The following XPR1 variants were observed in gnomAD, a reference collection of about 807,000 sequenced individuals.
XPR1 encodes the protein xenotropic and polytropic retrovirus receptor 1.
Under a neutral mutation model 87.5 loss-of-function variants are expected in XPR1, and 28 were observed. That is an observed-to-expected ratio of 0.32 (90% CI 0.24 to 0.44). The LOEUF is 0.44. Among genes scored for constraint, XPR1 ranks in the 20% least tolerant of loss-of-function variants. The pLI is 1.00. For synonymous variants in XPR1, 300 were observed against 306.1 expected (o/e 0.98, Z 0.21); for missense variants, 559 against 862.3 (o/e 0.65, Z 4.41).
At chr1:180,820,860 TA>T (rs1378342589) in intron 7 of XPR1, among the ~76,000 whole-genome samples, 1 of 152,192 alleles carries the variant, frequency 6.6e-6, no homozygotes, top group East Asian at 1.9e-4. Context: ...GCCATTTATA[TA>T]TATATTTTGG....
intron 2 of XPR1, among the ~76,000 whole-genome samples, chr1:180,742,888 C>T (rs1379675735): frequency 1.3e-5 from 2 of 151,950 alleles, no homozygotes; most frequent in African/African-American, 4.8e-5. Flanking sequence ...GATGTGATAT[C>T]TCTATCCTTG....
chr1:180,638,674 C>A (rs921614113), intron 1 of XPR1, among the ~76,000 whole-genome samples: 1 of 151,956 alleles, frequency 6.6e-6, no homozygotes, highest in African/African-American at 2.4e-5. Flanking sequence ...ACACACACAC[C>A]CCAAATTTGT....
chr1:180,709,882 T>C (rs951059882), intron 2 of XPR1, among the ~76,000 whole-genome samples: 6 of 139,830 alleles, frequency 4.3e-5, no homozygotes, highest in Non-Finnish European at 7.7e-5. Flanking sequence ...TTCTTGAGTT[T>C]TGAGGGTTTT....
chr1:180,665,153 A>C (rs1252857712), intron 1 of XPR1, among the ~76,000 whole-genome samples: 1 of 152,224 alleles, frequency 6.6e-6, no homozygotes, highest in Non-Finnish European at 1.5e-5. Context: ...AAGGAGAAGT[A>C]AACACCTTTT....
At chr1:180,831,346 ATTTTC>A (rs1275303884) in intron 9 of XPR1, among the ~76,000 whole-genome samples, 4 of 56,358 alleles carry the variant, frequency 7.1e-5, no homozygotes, top group African/African-American at 1.8e-4. Context: ...TTTGCTTTCT[ATTTTC>A]TTTTCTTTTT....
intron 1 of XPR1, among the ~76,000 whole-genome samples, chr1:180,680,521 C>T (rs1409923870): frequency 6.6e-6 from 1 of 151,946 alleles, no homozygotes; most frequent in Non-Finnish European, 1.5e-5. Flanking sequence ...ACATGCCCCA[C>T]ACCCAGCTAA....
chr1:180,809,474 A>G (rs988605241), intron 6 of XPR1, among the ~76,000 whole-genome samples: 5 of 152,214 alleles, frequency 3.3e-5, no homozygotes, highest in African/African-American at 1.2e-4. Context: ...TTATTGTCAA[A>G]CTGCTTGGAA....
At chr1:180,639,108 C>T (rs546410170) in intron 1 of XPR1, among the ~76,000 whole-genome samples, 1 of 152,052 alleles carries the variant, frequency 6.6e-6, no homozygotes, top group Non-Finnish European at 1.5e-5. Context: ...ACCAGCCTGG[C>T]CAACATGGTG....
intron 1 of XPR1, among the ~76,000 whole-genome samples, chr1:180,640,812 G>A (rs967524417): frequency 6.6e-6 from 1 of 152,196 alleles, no homozygotes; most frequent in Admixed American, 6.5e-5. Flanking sequence ...AAAAGAGGAG[G>A]ACAAAAGTGG....
chr1:180,824,971 T>G, intron 8 of XPR1, 28 bp downstream of exon 8: 1 of 1,603,810 alleles, frequency 6.2e-7, no homozygotes, highest in South Asian at 1.1e-5. Flanking sequence ...TAACACCTCA[T>G]GAATATAGTT....
intron 1 of XPR1, among the ~76,000 whole-genome samples, chr1:180,646,388 T>C (rs1230595843): frequency 6.6e-6 from 1 of 151,940 alleles, no homozygotes; most frequent in Non-Finnish European, 1.5e-5. Flanking sequence ...CTGTTCTTCA[T>C]GTTCATGTTT....
chr1:180,874,017 T>A, intron 13 of XPR1, 75 bp downstream of exon 13: 3 of 1,412,778 alleles, frequency 2.1e-6, no homozygotes, highest in Non-Finnish European at 2.8e-6. Context: ...AAATTAGAAT[T>A]TATTATAACT....
intron 2 of XPR1, among the ~76,000 whole-genome samples, chr1:180,726,337 T>C (rs377094147): frequency 6.6e-6 from 1 of 152,204 alleles, no homozygotes; most frequent in Non-Finnish European, 1.5e-5. Flanking sequence ...CCTTCCATGC[T>C]GTGGAAGCTT....
At chr1:180,676,488 C>T (rs1209057273) in intron 1 of XPR1, among the ~76,000 whole-genome samples, 1 of 152,056 alleles carries the variant, frequency 6.6e-6, no homozygotes, top group African/African-American at 2.4e-5. Context: ...TTTTTAACTT[C>T]TAGAGATTTA....
intron 7 of XPR1, among the ~76,000 whole-genome samples, chr1:180,819,847 G>A (rs757642328): frequency 6.6e-5 from 10 of 151,852 alleles, no homozygotes; most frequent in East Asian, 1.9e-4. Context: ...GCAAAACCCC[G>A]TCTCTACTAA....
chr1:180,702,434 C>T (rs112275298), intron 2 of XPR1, among the ~76,000 whole-genome samples: 1,893 of 151,334 alleles, frequency 0.013, 30 homozygotes, highest in African/African-American at 0.044. Flanking sequence ...GTGGAGAGTT[C>T]TGTAGATGTC....
chr1:180,745,003 G>A (rs1659041179), intron 2 of XPR1, among the ~76,000 whole-genome samples: 1 of 152,084 alleles, frequency 6.6e-6, no homozygotes, highest in African/African-American at 2.4e-5. Flanking sequence ...TTCAATATTA[G>A]TGTTGTTTTC....
At chr1:180,682,239 TTATC>T (rs1327401105) in intron 1 of XPR1, 117 bp from the exon 2 acceptor site, 4 of 574,124 alleles carry the variant, frequency 7.0e-6, no homozygotes, top group African/African-American at 1.9e-5. Context: ...ATTGAAGTAT[TTATC>T]AATTTAGGGA....
At chr1:180,738,297 C>T (rs1010004788) in intron 2 of XPR1, among the ~76,000 whole-genome samples, 2 of 152,138 alleles carry the variant, frequency 1.3e-5, no homozygotes, top group African/African-American at 2.4e-5. Context: ...AGGTGTGAGC[C>T]GCTGCACCTG....
Sources: allele counts gnomAD v4.1 joint callset (sites outside exome capture counted in the v4.1 genomes callset), GRCh38; gene constraint gnomAD v4.1.1; transcripts MANE v1.5; gene names NCBI Gene and HGNC (gene_info 2026-07-23, HGNC 2026-07-21).